DNAH11: variants seen among roughly 807,000 people sequenced by gnomAD.
DNAH11 encodes axonemal beta dynein heavy chain 11.
DNAH11 carries 442 observed loss-of-function variants against 526.0 expected under a neutral mutation model. The observed-to-expected ratio is 0.84, with a 90% CI of 0.78 to 0.91. DNAH11 has a LOEUF of 0.91. Among genes scored for constraint, DNAH11 ranks in the 40% least tolerant of loss-of-function variants. The pLI, the probability that DNAH11 is intolerant of heterozygous loss-of-function variation, is 0.00. For synonymous variants in DNAH11, 2,461 were observed against 1,935.9 expected, an observed-to-expected ratio of 1.27 and a Z score of -7.12; for missense variants, 6,989 against 5,448.7, an observed-to-expected ratio of 1.28 and a Z score of -8.90.
At chr7:21,623,955 T>TA (rs1786205643) in intron 25 of DNAH11, among the ~76,000 whole-genome samples, 1 of 150,274 alleles carries the variant, frequency 6.7e-6, no homozygotes, top group African/African-American at 2.4e-5. Context: ...CCCTAAAACT[T>TA]AAAGTATAAT....
rs1209040924 is a variant in DNAH11, at chr7:21,901,339, T to TCTAA, written c.*88_*91dup. The TCTAA allele has an allele frequency of 4.7e-5, 67 of 1,414,384 alleles. No individual in the cohort carries two copies. The highest frequency in any genetic ancestry group is 4.3e-4 in the Middle Eastern group (2 of 4,670). 87.6% of individuals were successfully genotyped at this position (1,414,384 alleles called of 1,614,324 possible). A position where few individuals can be genotyped will look rare whatever the true frequency, so the allele number is the denominator to read the frequency against. ...GCTGCACTGTTCCCATGCACATTAT[T>TCTAA]CTAACTTTTTAGTAACTCACACGTG... On this transcript the variant is annotated 3_prime_UTR_variant, in exon 82 of 82. Coordinates refer to ENST00000409508, the MANE Select transcript of DNAH11 (RefSeq NM_001277115.2).
chr7:21,741,070 TTTG>T (rs1372548560), intron 48 of DNAH11, among the ~76,000 whole-genome samples: 1 of 152,208 alleles, frequency 6.6e-6, no homozygotes, highest in Non-Finnish European at 1.5e-5. Context: ...ATTGGGTTAT[TTTG>T]TTGTCATTGA....
chr7:21,894,936 A>T lies in DNAH11; in HGVS notation c.12986A>T (p.Tyr4329Phe), dbSNP rs1562608827. Residue 4329 changes from tyrosine to phenylalanine, a missense_variant, in exon 79 of 82, where the codon TAT (tyrosine) becomes TTT (phenylalanine). Physicochemically the swap from Tyr to Phe is conservative, Grantham distance 22. Coordinates refer to ENST00000409508, the MANE Select transcript of DNAH11 (RefSeq NM_001277115.2). ...AVEAQQFALS[Y>F]DTVPDTWSKL... ...GAAGCCCAGCAGTTTGCATTGAGTT[A>T]TGACACGGTACCAGACACTTGGAGC... The T allele has an allele frequency of 1.1e-5, 17 of 1,613,982 alleles. No homozygotes were observed. Among genetic ancestry groups the T allele is most frequent in the Non-Finnish European group, 1.4e-5 (17 of 1,179,890 alleles).
intron 66 of DNAH11, among the ~76,000 whole-genome samples, chr7:21,849,587 A>T (rs1288762380): frequency 2.6e-5 from 4 of 152,216 alleles, no homozygotes; most frequent in Non-Finnish European, 4.4e-5. Context: ...TATAAGATAC[A>T]AAATTATTTG....
intron 28 of DNAH11, among the ~76,000 whole-genome samples, chr7:21,654,881 C>T (rs1376090548): frequency 1.3e-5 from 2 of 152,176 alleles, no homozygotes; most frequent in African/African-American, 4.8e-5. Context: ...TCCTCCATGA[C>T]AAAAACACAG....
chr7:21,845,761 A>G (rs2128018892), intron 66 of DNAH11, among the ~76,000 whole-genome samples: 1 of 152,348 alleles, frequency 6.6e-6, no homozygotes, highest in Non-Finnish European at 1.5e-5. Flanking sequence ...AAAATAATGT[A>G]CAGGTATTTT....
chr7:21,729,130 T>C (rs925333487), intron 45 of DNAH11, among the ~76,000 whole-genome samples: 1 of 152,254 alleles, frequency 6.6e-6, no homozygotes, highest in African/African-American at 2.4e-5. Context: ...GTTCTGCTGA[T>C]CTGTGAATTG....
intron 65 of DNAH11, among the ~76,000 whole-genome samples, chr7:21,827,137 G>A (rs1307352952): frequency 1.3e-5 from 2 of 152,184 alleles, no homozygotes; most frequent in Admixed American, 6.5e-5. Context: ...AAGATATACA[G>A]GTGAACCTGG....
At chr7:21,598,475 A>C (rs1000067866) in intron 14 of DNAH11, among the ~76,000 whole-genome samples, 13 of 152,284 alleles carry the variant, frequency 8.5e-5, no homozygotes, top group Middle Eastern at 6.8e-3. Context: ...GGAGACACTA[A>C]GGTGCAAGAA....
chr7:21,731,592 T>A lies in DNAH11; in HGVS notation c.7441-4048T>A, dbSNP rs10464304. Among the ~76,000 whole-genome samples the A allele has an allele frequency of 8.5e-5, 13 of 152,294 alleles. No individual in the cohort carries two copies. In the East Asian group the frequency reaches 2.5e-3, roughly 29 times the overall value. On this transcript the variant is annotated intron_variant, in intron 45 of 81. Transcript: ENST00000409508. The stretch of plus-strand genomic sequence containing the variant: ...GGTTGCATAAATTTACAAATAAAAG[T>A]TCAAACAAAAAAGCAAACCTGTACA...
chr7:21,739,891 G>A (rs571309917), intron 48 of DNAH11, among the ~76,000 whole-genome samples: 2 of 152,088 alleles, frequency 1.3e-5, no homozygotes, highest in Non-Finnish European at 2.9e-5. Context: ...AAAATCAACT[G>A]GCAGTACAAA....
intron 66 of DNAH11, 84 bp from the exon 67 acceptor site, chr7:21,852,383 G>A (rs1388572550): frequency 7.1e-7 from 1 of 1,401,426 alleles, no homozygotes. Context: ...CTCCAGCCTG[G>A]GCGACAGAGC....
rs151192836 is a variant in DNAH11, at chr7:21,847,128, A to C, written c.10896+4380A>C. ...TATTATAAATTCTGTTGATCCTTTC[A>C]AATAATCAGCTTTGGATTTTAGTTT... On this transcript the variant is annotated intron_variant, in intron 66 of 81. Coordinates refer to ENST00000409508, the MANE Select transcript of DNAH11 (RefSeq NM_001277115.2). Among the ~76,000 whole-genome samples the C allele has an allele frequency of 2.7e-4, 41 of 152,240 alleles. 1 individual carries two copies. In the East Asian group the frequency reaches 7.3e-3, roughly 27 times the overall value.
chr7:21,633,210 C>G (rs982190594), intron 25 of DNAH11, among the ~76,000 whole-genome samples: 1 of 152,186 alleles, frequency 6.6e-6, no homozygotes, highest in Non-Finnish European at 1.5e-5. Context: ...GGGGACACAG[C>G]CAAACCATAT....
At chr7:21,719,749 G>T (rs1484233622) in intron 43 of DNAH11, among the ~76,000 whole-genome samples, 2 of 152,208 alleles carry the variant, frequency 1.3e-5, no homozygotes, top group Non-Finnish European at 2.9e-5. Flanking sequence ...CTGTGGCAAG[G>T]AAGGAAAGGC....
intron 30 of DNAH11, among the ~76,000 whole-genome samples, chr7:21,665,960 C>T (rs1006698903): frequency 2.0e-5 from 3 of 152,100 alleles, no homozygotes; most frequent in Non-Finnish European, 4.4e-5. Flanking sequence ...ATGTAACCAT[C>T]TGCTGGAGTG....
intron 68 of DNAH11, among the ~76,000 whole-genome samples, chr7:21,856,146 G>T (rs1457190443): frequency 6.6e-6 from 1 of 152,168 alleles, no homozygotes; most frequent in East Asian, 1.9e-4. Flanking sequence ...GGGAAAGACT[G>T]AATCACGCAG....
rs537584437 is a variant in DNAH11 at position 21,797,461 on chromosome 7, C to T, written c.10027-3676C>T. 3.0e-4 allele frequency among the ~76,000 whole-genome samples: 45 copies of T among 151,360 alleles called. 1 individual carries two copies. Among genetic ancestry groups the T allele is most frequent in the African/African-American group, 9.3e-4 (38 of 40,692 alleles). ...CTCAAACTCGTGACCTCAGGTGATC[C>T]GCTCGCCTCGGCCTCCCAAAATGCT... is the stretch of plus-strand genomic sequence containing the variant. On this transcript the variant is annotated intron_variant, in intron 61 of 81. Transcript: ENST00000409508.
intron 65 of DNAH11, among the ~76,000 whole-genome samples, chr7:21,837,418 A>G (rs954582933): frequency 6.6e-6 from 1 of 152,194 alleles, no homozygotes; most frequent in African/African-American, 2.4e-5. Context: ...AAATCCTGTA[A>G]TTTGTGGCAA....
Sources: gnomAD v4.1 joint callset for allele counts (sites outside exome capture counted in the v4.1 genomes callset) on GRCh38, gnomAD v4.1.1 for gene constraint, MANE v1.5 for transcripts, NCBI Gene and HGNC (gene_info 2026-07-23, HGNC 2026-07-21) for gene names.